Variants in KREMEN2 observed in about 807,000 individuals in gnomAD.
KREMEN2 encodes the protein kremen protein 2.
KREMEN2 carries 43 observed loss-of-function variants against 49.8 expected under a neutral mutation model. That is an observed-to-expected ratio of 0.86 (90% CI 0.68 to 1.11). KREMEN2 has a LOEUF of 1.11. Ranked by LOEUF, KREMEN2 falls within the 50% of genes most tolerant of loss-of-function variation. The pLI, the probability that KREMEN2 is intolerant of heterozygous loss-of-function variation, is 0.00. For missense variants in KREMEN2, 686 were observed against 665.7 expected (o/e 1.03, Z -0.34); for synonymous variants, 355 against 304.9 (o/e 1.16, Z -1.71).
In KREMEN2 at chr16:2,964,615, G is replaced by T. The variant is rs1260613046; in HGVS notation, c.94+1G>T. ...TCGGCTGGGAGCCTGCACAGTCCAG[G>T]TAAGTCCCCGCACGGCTGTCGGGCC... On this transcript the variant is annotated splice_donor_variant, in intron 1 of 8. Transcript: ENST00000303746. LOFTEE classifies it high-confidence loss of function. 6.3e-7 allele frequency: 1 copy of T among 1,585,118 alleles called. No homozygotes were observed. Among genetic ancestry groups the T allele is most frequent in the South Asian group, 1.1e-5 (1 of 87,214 alleles).
At position 2,966,065 on chromosome 16, in the gene KREMEN2, A is replaced by T; in HGVS notation, c.270-75A>T. 1.5e-6 allele frequency: 2 copies of T among 1,342,498 alleles called. No individual in the cohort carries two copies. The highest frequency in any genetic ancestry group is 2.1e-6 in the Non-Finnish European group (2 of 941,086). 83.2% of individuals were successfully genotyped at this position (1,342,498 alleles called of 1,614,324 possible). ...CAGAGCCTTGAAGGCCACTTTGAGC[A>T]TAGGCTGCGGGGCCGGGCCTGGGTT... is the stretch of plus-strand genomic sequence containing the variant. On this transcript the variant is annotated intron_variant, in intron 2 of 8. Transcript: ENST00000303746. The surrounding 1 kb of genome is among the most constrained non-coding windows in gnomAD (Gnocchi z 8.4).
chr16:2,967,943 G>A lies in KREMEN2; in HGVS notation c.1312G>A (p.Glu438Lys), dbSNP rs1567374272. ...LPCSPGDPQA[E>K]GSAAGYRPLS... is the part of the protein sequence containing the mutation. ...CTGCTCCCCCGGGGACCCCCAGGCT[G>A]AGGGTTCTGCCGCGGGCTACCGGCC... The change falls in exon 9 of 9, where the codon GAG (glutamate) becomes AAG (lysine). Residue 438 changes from glutamate to lysine, a missense_variant. Transcript: ENST00000303746. The A allele has an allele frequency of 6.3e-6, 10 of 1,585,696 alleles. No individual in the cohort carries two copies. Among genetic ancestry groups the A allele is most frequent in the Non-Finnish European group, 8.6e-6 (10 of 1,168,424 alleles).
chr16:2,966,836 AGGT>A lies in KREMEN2; in HGVS notation c.640+44_640+46del, dbSNP rs753425510. ...GGACCAGGGGCCTGGGCGGGCCTCG[AGGT>A]GGGGCCTGGCCGGGCAGGGGAGCCG... On this transcript the variant is annotated intron_variant, in intron 5 of 8. Transcript: ENST00000303746. The surrounding 1 kb of genome is among the most constrained non-coding windows in gnomAD (Gnocchi z 8.4). The A allele has an allele frequency of 1.1e-5, 17 of 1,594,820 alleles. No individual in the cohort carries two copies. The highest frequency in any genetic ancestry group is 2.2e-5 in the South Asian group (2 of 89,646).
chr16:2,966,486 T>A lies in KREMEN2; in HGVS notation c.486+37T>A, dbSNP rs2071821968. 1 of 1,604,918 alleles carries A rather than the reference T, an allele frequency of 6.2e-7. No individual in the cohort carries two copies. On this transcript the variant is annotated intron_variant, in intron 4 of 8. Coordinates refer to ENST00000303746, the MANE Select transcript of KREMEN2 (RefSeq NM_172229.3). This position sits in a 1 kb window ranked among gnomAD's most constrained non-coding sequence, Gnocchi z 8.4. Reference sequence around the variant, plus strand: ...GGGCCCAGACCAGTGACCCCTGACCTGGACCTAAAGACCACACTCAACTCC... The same window carrying A: ...GGGCCCAGACCAGTGACCCCTGACCAGGACCTAAAGACCACACTCAACTCC...
At position 2,966,517 on chromosome 16, in the gene KREMEN2, C is replaced by T. The variant is rs2071822737; in HGVS notation, c.486+68C>T. On this transcript the variant is annotated intron_variant, in intron 4 of 8. Coordinates refer to ENST00000303746, the MANE Select transcript of KREMEN2 (RefSeq NM_172229.3). This position sits in a 1 kb window ranked among gnomAD's most constrained non-coding sequence, Gnocchi z 8.4. ...TAAAGACCACACTCAACTCCCAACA[C>T]TCGGTTGCCAAACCCAGACACCGGT... The T allele has an allele frequency of 6.3e-7, 1 of 1,597,122 alleles. No individual in the cohort carries two copies. Among genetic ancestry groups the T allele is most frequent in the East Asian group, 2.2e-5 (1 of 44,626 alleles).
intron 2 of KREMEN2, 64 bp downstream of exon 2, chr16:2,965,097 G>GCTTC: frequency 7.4e-7 from 1 of 1,346,478 alleles, no homozygotes; most frequent in Non-Finnish European, 9.7e-7. Flanking sequence ...GGCCCGAAGC[G>GCTTC]GGGCCTCCGT....
chr16:2,966,898 C>G lies in KREMEN2; in HGVS notation c.641-12C>G. ...TGGTCCTCAGGATGCTGACTGCCGG[C>G]CCCGCCCGCAGTGTCGGTGGGCTCC... On this transcript the variant is annotated splice_polypyrimidine_tract_variant and intron_variant, in intron 5 of 8. Coordinates refer to ENST00000303746, the MANE Select transcript of KREMEN2 (RefSeq NM_172229.3). This position sits in a 1 kb window ranked among gnomAD's most constrained non-coding sequence, Gnocchi z 8.4. 4 of 1,540,992 alleles carry G rather than the reference C, an allele frequency of 2.6e-6. No individual in the cohort carries two copies. In the South Asian group the frequency reaches 3.6e-5, roughly 14 times the overall value.
At chr16:2,967,631 G>C (rs1016866687) in intron 8 of KREMEN2, 27 bp downstream of exon 8, 17 of 1,533,316 alleles carry the variant, frequency 1.1e-5, no homozygotes, top group Non-Finnish European at 1.4e-5. Context: ...CAGGGCCTGA[G>C]GGCGGACCGG....
chr16:2,964,503 T>C lies in KREMEN2; in HGVS notation c.-18T>C. ...GGGCCGTGTCCGGGCGAGGGTGACC[T>C]ATCCTTGGTTGAGAGCGATGGGGAC... is the stretch of plus-strand genomic sequence containing the variant. On this transcript the variant is annotated 5_prime_UTR_variant, in exon 1 of 9. Coordinates refer to ENST00000303746, the MANE Select transcript of KREMEN2 (RefSeq NM_172229.3). 6.5e-7 allele frequency: 1 copy of C among 1,536,500 alleles called. No individual in the cohort carries two copies. Among genetic ancestry groups the C allele is most frequent in the Non-Finnish European group, 8.8e-7 (1 of 1,142,308 alleles).
chr16:2,966,851 G>C lies in KREMEN2; in HGVS notation c.640+56G>C. 1.3e-6 allele frequency: 2 copies of C among 1,578,990 alleles called. No individual in the cohort carries two copies. Among genetic ancestry groups the C allele is most frequent in the Non-Finnish European group, 1.7e-6 (2 of 1,163,684 alleles). The stretch of plus-strand genomic sequence containing the variant: ...GCGGGCCTCGAGGTGGGGCCTGGCC[G>C]GGCAGGGGAGCCGCCGTGTCCTGGT... On this transcript the variant is annotated intron_variant, in intron 5 of 8. Transcript: ENST00000303746. This position sits in a 1 kb window ranked among gnomAD's most constrained non-coding sequence, Gnocchi z 8.4.
intron 1 of KREMEN2, 48 bp downstream of exon 1, chr16:2,964,662 G>A (rs754936931): frequency 6.6e-7 from 1 of 1,504,982 alleles, no homozygotes; most frequent in Admixed American, 2.0e-5. Flanking sequence ...CCCTTCCTCG[G>A]CCTCCGCCCC....
Position 2,966,655 on chromosome 16 carries a change from A to C in KREMEN2, c.500A>C (p.Glu167Ala), listed in dbSNP as rs1294683240. ...CTGTGCTCCCAGCTGGCGGGCGTGG[A>C]GGCCGGTTACGCCTGCTTCTGTGGC... ...RMKGYQLAGV[E>A]AGYACFCGSE... The change falls in exon 5 of 9, where the codon GAG (glutamate) becomes GCG (alanine). Residue 167 changes from glutamate (E) to alanine (A), a missense_variant. Transcript: ENST00000303746. The surrounding 1 kb of genome is among the most constrained non-coding windows in gnomAD (Gnocchi z 8.4). 6.2e-7 allele frequency: 1 copy of C among 1,609,898 alleles called. No homozygotes were observed. The highest frequency in any genetic ancestry group is 1.3e-5 in the African/African-American group (1 of 74,886).
At position 2,968,115 on chromosome 16, in the gene KREMEN2, G is replaced by A. The variant is rs907187514; in HGVS notation, c.*95G>A. The A allele has an allele frequency of 5.4e-6, 7 of 1,299,922 alleles. No homozygotes were observed. The African/African-American group carries it at 7.3e-5, about 14-fold the overall frequency. 80.5% of individuals were successfully genotyped at this position (1,299,922 alleles called of 1,614,324 possible). On this transcript the variant is annotated 3_prime_UTR_variant, in exon 9 of 9. Transcript: ENST00000303746. ...TGCCTCGGCCTTGCGCCTGTGTAGG[G>A]GCAGCTCGGCCTCTGGTCGCCTTGG...
At chr16:2,964,824 T>A in intron 1 of KREMEN2, 35 bp from the exon 2 acceptor site, 1 of 1,602,246 alleles carries the variant, frequency 6.2e-7, no homozygotes, top group South Asian at 1.1e-5. Context: ...CCGGCGTGGG[T>A]CCGGACCTCC....
chr16:2,966,211 G>T lies in KREMEN2; in HGVS notation c.341G>T (p.Cys114Phe). The T allele has an allele frequency of 6.2e-7, 1 of 1,613,146 alleles. No individual in the cohort carries two copies. Among genetic ancestry groups the T allele is most frequent in the Non-Finnish European group, 8.5e-7 (1 of 1,180,002 alleles). ...GAGGAGGGCATCTACTGGCGCTACT[G>T]CGACATCCCCTCCTGTCACAGTGAG... ...ETEEGIYWRYCDIPSCHMPGY... is the reference protein window; with the variant it reads ...ETEEGIYWRYFDIPSCHMPGY... Residue 114 changes from cysteine (C) to phenylalanine (F), a missense_variant, in exon 3 of 9, where the codon TGC (cysteine) becomes TTC (phenylalanine). Cys to Phe is a radical substitution (Grantham distance 205). Transcript: ENST00000303746. The surrounding 1 kb of genome is among the most constrained non-coding windows in gnomAD (Gnocchi z 8.4).
rs1035085794 is a variant in KREMEN2 at position 2,967,379 on chromosome 16, G to A, written c.1033G>A (p.Ala345Thr). The change falls in exon 7 of 9, where the codon GCG becomes ACG. Residue 345 changes from alanine (A) to threonine (T), a missense_variant. By Grantham distance (58) the Ala-to-Thr change is moderately conservative. Coordinates refer to ENST00000303746, the MANE Select transcript of KREMEN2 (RefSeq NM_172229.3). ...CGAGGGCTCGGCCCAGACCCCCGCG[G>A]CGCCCCTCGACGGGGCCAACGTGAG... The part of the protein sequence containing the change: ...APEGSAQTPA[A>T]PLDGANVSCS... The A allele has an allele frequency of 2.0e-5, 28 of 1,401,174 alleles. No individual in the cohort carries two copies. In the Middle Eastern group the frequency reaches 1.0e-3, roughly 52 times the overall value. The allele number at this position is 1,401,174 out of a possible 1,614,324, so 86.8% of individuals were successfully genotyped here. A position where few individuals can be genotyped will look rare whatever the true frequency, so the allele number is the denominator to read the frequency against.
chr16:2,967,732 T>TCG (rs754734893), intron 8 of KREMEN2, 78 bp from the exon 9 acceptor site: 2 of 1,544,050 alleles, frequency 1.3e-6, no homozygotes, highest in Non-Finnish European at 1.8e-6. Context: ...ACGCACAGGA[T>TCG]CGCGCGCGGG....
Position 2,967,419 on chromosome 16 carries a change from C to G in KREMEN2, c.1073C>G (p.Pro358Arg). ...DGANVSCSPR[P>R]GAPPAAIGAR... The stretch of plus-strand genomic sequence containing the variant: ...GCCAACGTGAGCTGCAGCCCCAGGC[C>G]TGGGGCTCCGCCGGCCGCGATTGGG... Residue 358 changes from proline to arginine, a missense_variant, in exon 7 of 9, where the codon CCT (proline) becomes CGT (arginine). Physicochemically the swap from Pro to Arg is moderately radical, Grantham distance 103. Transcript: ENST00000303746. The G allele has an allele frequency of 2.1e-6, 3 of 1,402,242 alleles. No homozygotes were observed. Among genetic ancestry groups the G allele is most frequent in the South Asian group, 1.6e-5 (1 of 63,926 alleles). The allele number at this position is 1,402,242 out of a possible 1,614,324, so 86.9% of individuals were successfully genotyped here. A position where few individuals can be genotyped will look rare whatever the true frequency, so the allele number is the denominator to read the frequency against.
Position 2,966,870 on chromosome 16 carries a change from T to C in KREMEN2, c.641-40T>C. 1 of 1,566,168 alleles carries C rather than the reference T, an allele frequency of 6.4e-7. No homozygotes were observed. The highest frequency in any genetic ancestry group is 8.6e-7 in the Non-Finnish European group (1 of 1,156,570). On this transcript the variant is annotated intron_variant, in intron 5 of 8. Coordinates refer to ENST00000303746, the MANE Select transcript of KREMEN2 (RefSeq NM_172229.3). This position sits in a 1 kb window ranked among gnomAD's most constrained non-coding sequence, Gnocchi z 8.4. ...CTGGCCGGGCAGGGGAGCCGCCGTG[T>C]CCTGGTCCTCAGGATGCTGACTGCC...
Sources: allele counts gnomAD v4.1 joint callset, GRCh38; gene constraint gnomAD v4.1.1; non-coding constraint Gnocchi (gnomAD v3.1); transcripts MANE v1.5; gene names NCBI Gene and HGNC (gene_info 2026-07-23, HGNC 2026-07-21).